The following DYRK1A variants were observed in gnomAD, a reference collection of about 807,000 sequenced individuals.
The protein encoded by DYRK1A is dual specificity tyrosine phosphorylation regulated kinase 1A.
Under a neutral mutation model 79.7 loss-of-function variants are expected in DYRK1A, and 9 were observed. The observed-to-expected ratio is 0.11, with a 90% confidence interval of 0.07 to 0.20. The LOEUF (loss-of-function observed/expected upper bound fraction) is 0.20, where lower values mean the gene tolerates loss of function less well. Ranked by LOEUF, DYRK1A falls within the 10% of genes least tolerant of loss-of-function variation. The probability of loss-of-function intolerance (pLI) is 1.00; values close to 1 mark genes in which losing one functional copy is unlikely to be tolerated. For synonymous variants in DYRK1A, 349 were observed against 329.7 expected, an observed-to-expected ratio of 1.06 and a Z score of -0.63; for missense variants, 622 against 956.0, an observed-to-expected ratio of 0.65 and a Z score of 4.61.
rs184505685 is a variant in DYRK1A at position 37,378,246 on chromosome 21, C to T, written c.-77+10618C>T. 2.2e-3 allele frequency among the ~76,000 whole-genome samples: 341 copies of T among 152,196 alleles called. 1 individual carries two copies. Among genetic ancestry groups the T allele is most frequent in the Non-Finnish European group, 3.9e-3 (265 of 67,990 alleles). On this transcript the variant is annotated intron_variant, in intron 1 of 11. Transcript: ENST00000647188. ...ATGTATGTTATAGTTAAAGTATTTCCTGGGGGCCAGGCATGGTTTCTCACA... is the reference window on the plus strand; with the variant it reads ...ATGTATGTTATAGTTAAAGTATTTCTTGGGGGCCAGGCATGGTTTCTCACA...
intron 2 of DYRK1A, among the ~76,000 whole-genome samples, chr21:37,420,773 A>G (rs893424527): frequency 3.9e-5 from 6 of 152,134 alleles, no homozygotes; most frequent in African/African-American, 1.4e-4. Flanking sequence ...ATCATCAAAA[A>G]GACTGACAAG....
chr21:37,481,098 C>T lies in DYRK1A; in HGVS notation c.489+272C>T, dbSNP rs1016304315. Reference sequence around the variant, plus strand: ...TTTAATCACTTAATAGATAGTATTGCCTCTTTGTTATGGGCCTTGTATAGT... The same window carrying T: ...TTTAATCACTTAATAGATAGTATTGTCTCTTTGTTATGGGCCTTGTATAGT... On this transcript the variant is annotated intron_variant, in intron 5 of 11. Coordinates refer to ENST00000647188, the MANE Select transcript of DYRK1A (RefSeq NM_001347721.2). 6 of 309,208 alleles carry T rather than the reference C, an allele frequency of 1.9e-5. No homozygotes were observed. The South Asian group carries it at 3.6e-4, about 18-fold the overall frequency. The allele number at this position is 309,208 out of a possible 1,614,324, so 19.2% of individuals were successfully genotyped here.
intron 1 of DYRK1A, among the ~76,000 whole-genome samples, chr21:37,371,273 T>C (rs1224609088): frequency 6.6e-6 from 1 of 152,206 alleles, no homozygotes. Flanking sequence ...TTCGTTCATA[T>C]TGGGTAATTG....
Position 37,525,600 on chromosome 21 carries a change from A to G in DYRK1A, c.*13069A>G, listed in dbSNP as rs1428863836. On this transcript the variant is annotated 3_prime_UTR_variant, in exon 12 of 12. Transcript: ENST00000647188. ...TTGGACAACTTACAAAGCTTGTAAT[A>G]ATATAAGGTGTTAAAGCCTATAGAT... The G allele has an allele frequency of 6.6e-6, 1 of 152,236 alleles. No individual in the cohort carries two copies. Among genetic ancestry groups the G allele is most frequent in the East Asian group, 1.9e-4 (1 of 5,204 alleles). 9.4% of individuals were successfully genotyped at this position (152,236 alleles called of 1,614,324 possible).
At chr21:37,397,805 G>T (rs1310925022) in intron 1 of DYRK1A, among the ~76,000 whole-genome samples, 1 of 152,004 alleles carries the variant, frequency 6.6e-6, no homozygotes, top group Non-Finnish European at 1.5e-5. Context: ...CAGTGGTATG[G>T]GATCCAGTAC....
At chr21:37,506,699 A>T (rs959087478) in intron 11 of DYRK1A, among the ~76,000 whole-genome samples, 1 of 152,160 alleles carries the variant, frequency 6.6e-6, no homozygotes, top group Non-Finnish European at 1.5e-5. Flanking sequence ...CTGTTTTTAA[A>T]CCTGTTGAAG....
intron 1 of DYRK1A, among the ~76,000 whole-genome samples, chr21:37,416,580 A>G (rs1432755221): frequency 6.6e-6 from 1 of 152,022 alleles, no homozygotes; most frequent in Non-Finnish European, 1.5e-5. Flanking sequence ...GCTATATGGA[A>G]AAAGTACTTT....
chr21:37,488,552 A>C (rs1483149968), intron 6 of DYRK1A: 11 of 984,274 alleles, frequency 1.1e-5, no homozygotes, highest in Admixed American at 6.2e-5. Flanking sequence ...TGAAGTCTTC[A>C]ACAAAGTCTT....
Position 37,514,800 on chromosome 21 carries a change from T to A in DYRK1A, c.*2269T>A, listed in dbSNP as rs556528342. 5 of 152,780 alleles carry A rather than the reference T, an allele frequency of 3.3e-5. No homozygotes were observed. The highest frequency in any genetic ancestry group is 4.1e-4 in the South Asian group (2 of 4,826). The allele number at this position is 152,780 out of a possible 1,614,324, so 9.5% of individuals were successfully genotyped here. The stretch of plus-strand genomic sequence containing the variant: ...AAGGAATTCAGTAGTTACTGCTGTT[T>A]AGGAATATAAGGTTAAGATATCATA... On this transcript the variant is annotated 3_prime_UTR_variant, in exon 12 of 12. Transcript: ENST00000647188.
At chr21:37,434,780 G>C (rs956989847) in intron 2 of DYRK1A, among the ~76,000 whole-genome samples, 1 of 152,202 alleles carries the variant, frequency 6.6e-6, no homozygotes, top group African/African-American at 2.4e-5. Flanking sequence ...GGGAATACTT[G>C]AGACTTCAGT....
chr21:37,467,172 G>A (rs2052058144), intron 2 of DYRK1A, among the ~76,000 whole-genome samples: 2 of 151,638 alleles, frequency 1.3e-5, no homozygotes, highest in South Asian at 4.2e-4. Flanking sequence ...GGTCCAGAAG[G>A]TTTCACCAGT....
intron 9 of DYRK1A, chr21:37,503,707 A>AT (rs1250930681): frequency 6.6e-6 from 1 of 151,978 alleles, no homozygotes; most frequent in Non-Finnish European, 1.5e-5. Flanking sequence ...CCCAGCCTAT[A>AT]TTTTTTAGTT....
chr21:37,391,203 T>G (rs73903947), intron 1 of DYRK1A, among the ~76,000 whole-genome samples: 1,605 of 152,308 alleles, frequency 0.011, 22 homozygotes, highest in African/African-American at 0.037. Flanking sequence ...GTAGTGTTAG[T>G]GTGTGGGCGC....
intron 6 of DYRK1A, among the ~76,000 whole-genome samples, chr21:37,489,974 A>G (rs1431009888): frequency 6.6e-6 from 1 of 152,152 alleles, no homozygotes; most frequent in Non-Finnish European, 1.5e-5. Flanking sequence ...CATATGCTGT[A>G]CCTGTTTAAT....
At chr21:37,497,656 T>C (rs934726851) in intron 9 of DYRK1A, among the ~76,000 whole-genome samples, 1 of 152,120 alleles carries the variant, frequency 6.6e-6, no homozygotes, top group African/African-American at 2.4e-5. Flanking sequence ...GCTTCTGCTA[T>C]TTTTTTTCCT....
intron 2 of DYRK1A, among the ~76,000 whole-genome samples, chr21:37,448,165 A>G (rs1489114810): frequency 1.3e-5 from 2 of 152,238 alleles, no homozygotes; most frequent in African/African-American, 4.8e-5. Flanking sequence ...TTTGTTACAT[A>G]GAAGATTAAC....
chr21:37,467,850 TA>T (rs1428606854), intron 2 of DYRK1A, among the ~76,000 whole-genome samples: 3 of 152,098 alleles, frequency 2.0e-5, no homozygotes, highest in Admixed American at 2.0e-4. Flanking sequence ...ATCACTGTAC[TA>T]AAGGTCCCAG....
At chr21:37,454,085 C>CTTTTTTTTTTTTTTTTTTTTTTTT (rs571859735) in intron 2 of DYRK1A, among the ~76,000 whole-genome samples, 2 of 59,614 alleles carry the variant, frequency 3.4e-5, no homozygotes, top group Non-Finnish European at 5.8e-5. Context: ...ATGTAGTCTC[C>CTTTTTTTTTTTTTTTTTTTTTTTT]TTTTTTTTTT....
At chr21:37,485,161 T>C (rs1326964455) in intron 5 of DYRK1A, among the ~76,000 whole-genome samples, 1 of 152,156 alleles carries the variant, frequency 6.6e-6, no homozygotes, top group Non-Finnish European at 1.5e-5. Flanking sequence ...AAATTTGTAA[T>C]TCATGGTCAA....
Sources: allele counts gnomAD v4.1 joint callset (sites outside exome capture counted in the v4.1 genomes callset), GRCh38; gene constraint gnomAD v4.1.1; transcripts MANE v1.5; gene names NCBI Gene and HGNC (gene_info 2026-07-23, HGNC 2026-07-21).